The following CASK variants were observed in gnomAD, a reference collection of about 807,000 sequenced individuals.
The protein encoded by CASK is peripheral plasma membrane protein CASK.
A neutral mutation model predicts 82.9 loss-of-function variants in CASK; 4 were observed. The observed-to-expected ratio is 0.05, with a 90% confidence interval of 0.02 to 0.11. The LOEUF (loss-of-function observed/expected upper bound fraction) is 0.11. CASK is among the 10% of genes least tolerant of loss of function. CASK has a pLI of 1.00. For missense variants in CASK, 358 were observed against 720.9 expected, an observed-to-expected ratio of 0.50 and a Z score of 5.76; for synonymous variants, 259 against 253.5, an observed-to-expected ratio of 1.02 and a Z score of -0.20.
chrX:41,532,230 C>T (rs1003513635), intron 24 of CASK, among the ~76,000 whole-genome samples: 2 of 112,465 alleles, frequency 1.8e-5, no homozygotes, highest in African/African-American at 6.5e-5. Context: ...GCCACTGCAC[C>T]TGGCCACCTA....
At chrX:41,777,107 C>T (rs762335301) in intron 3 of CASK, among the ~76,000 whole-genome samples, 1 of 112,085 alleles carries the variant, frequency 8.9e-6, no homozygotes, top group East Asian at 2.8e-4. Context: ...TGCAATACTA[C>T]ATAGCAATAA....
chrX:41,873,631 T>C (rs1002591996), intron 1 of CASK, among the ~76,000 whole-genome samples: 38 of 111,487 alleles, frequency 3.4e-4, no homozygotes, highest in African/African-American at 1.2e-3. Flanking sequence ...GAAAAGATGA[T>C]GGACCACAAT....
chrX:41,671,739 T>C (rs2067199910), intron 5 of CASK, among the ~76,000 whole-genome samples: 1 of 112,224 alleles, frequency 8.9e-6, no homozygotes, highest in Admixed American at 9.4e-5. Context: ...TTCCATCCAA[T>C]GTTCTTTAGG....
chrX:41,531,834 A>G, intron 24 of CASK, among the ~76,000 whole-genome samples: 1 of 112,646 alleles, frequency 8.9e-6, no homozygotes, highest in Non-Finnish European at 1.9e-5. Flanking sequence ...CTGAAAACAC[A>G]ATGACTGTGG....
chrX:41,707,901 C>T (rs181014188), intron 5 of CASK, among the ~76,000 whole-genome samples: 111 of 111,309 alleles, frequency 1.0e-3, no homozygotes, highest in Non-Finnish European at 1.5e-3. Context: ...TGGTGGATCA[C>T]GAAGTCAGGA....
chrX:41,891,090 A>G (rs932665084), intron 1 of CASK, among the ~76,000 whole-genome samples: 2 of 108,731 alleles, frequency 1.8e-5, no homozygotes, highest in African/African-American at 6.7e-5. Flanking sequence ...GAATTTTGCC[A>G]TGTTGGTCAA....
intron 1 of CASK, among the ~76,000 whole-genome samples, chrX:41,906,759 A>C (rs2072476790): frequency 8.9e-6 from 1 of 112,990 alleles, no homozygotes; most frequent in African/African-American, 3.2e-5. Flanking sequence ...AACAGAAATG[A>C]GGAGGTTGTT....
chrX:41,850,277 A>G (rs2071236874), intron 2 of CASK, among the ~76,000 whole-genome samples: 1 of 112,353 alleles, frequency 8.9e-6, no homozygotes, highest in Admixed American at 9.4e-5. Context: ...CTATTAAAAC[A>G]TAGGTCCCAT....
rs111728933 is a variant in CASK at position 41,626,715 on chromosome X, A to C, written c.916-12T>G. On this transcript the variant is annotated splice_polypyrimidine_tract_variant and intron_variant, in intron 9 of 26. Coordinates refer to ENST00000378163, the MANE Select transcript of CASK (RefSeq NM_001367721.1). ...GCTAGTACTGCACCCTAAAACAAAG[A>C]GATGAAAAAATAGATTATTAAAACA... is the stretch of plus-strand genomic sequence containing the variant. 6.7e-6 allele frequency: 7 copies of C among 1,046,258 alleles called. No homozygotes were observed. The highest frequency in any genetic ancestry group is 6.7e-6 in the Non-Finnish European group (5 of 745,778). 86.2% of individuals were successfully genotyped at this position (1,046,258 alleles called of 1,213,427 possible). A position where few individuals can be genotyped will look rare whatever the true frequency, so the allele number is the denominator to read the frequency against.
At chrX:41,735,850 C>T (rs1008395858) in intron 5 of CASK, among the ~76,000 whole-genome samples, 1 of 111,324 alleles carries the variant, frequency 9.0e-6, no homozygotes, top group African/African-American at 3.3e-5. Context: ...CTTTGACCAC[C>T]ATATTTACAA....
At chrX:41,699,843 A>G (rs1420678491) in intron 5 of CASK, among the ~76,000 whole-genome samples, 1 of 111,633 alleles carries the variant, frequency 9.0e-6, no homozygotes, top group Non-Finnish European at 1.9e-5. Context: ...AAATTTTTAG[A>G]AAAAATATGC....
At chrX:41,775,117 AT>A (rs1478892824) in intron 3 of CASK, among the ~76,000 whole-genome samples, 7 of 107,000 alleles carry the variant, frequency 6.5e-5, no homozygotes, top group Admixed American at 2.0e-4. Flanking sequence ...ATGGGAGAAA[AT>A]TTTCGCAACC....
At chrX:41,827,432 C>T (rs1453720070) in intron 2 of CASK, among the ~76,000 whole-genome samples, 1 of 111,859 alleles carries the variant, frequency 8.9e-6, no homozygotes, top group East Asian at 2.8e-4. Flanking sequence ...GGTTCATAAG[C>T]GGCATCTTCT....
intron 11 of CASK, among the ~76,000 whole-genome samples, chrX:41,610,517 A>G (rs1010332151): frequency 9.0e-6 from 1 of 111,632 alleles, no homozygotes; most frequent in African/African-American, 3.3e-5. Context: ...CTTAGTTTTT[A>G]AGACTTGAAC....
chrX:41,834,446 T>C (rs1159593711), intron 2 of CASK, among the ~76,000 whole-genome samples: 1 of 112,175 alleles, frequency 8.9e-6, no homozygotes. Context: ...CTATTCGTGA[T>C]TGATATTGTA....
chrX:41,739,446 T>G lies in CASK; in HGVS notation c.367A>C (p.Arg123=). The G allele has an allele frequency of 8.6e-7, 1 of 1,157,656 alleles. No homozygotes were observed. Among genetic ancestry groups the G allele is most frequent in the Non-Finnish European group, 1.2e-6 (1 of 846,605 alleles). Residue 123 remains arginine (R), a synonymous_variant, in exon 5 of 27, where the codon AGA becomes CGA. Transcript: ENST00000378163. ...TAGCGTAGAGCTTCCAGTATCTGTC[T>G]CATATAATGGCTGTAAAAAACAAAA... ...YSEAVASHYM[R]QILEALRYCH...
intron 5 of CASK, chrX:41,727,809 C>T (rs2068291684): frequency 8.4e-7 from 1 of 1,192,097 alleles, no homozygotes; most frequent in Non-Finnish European, 1.1e-6. Context: ...TAATAGTTTG[C>T]TTCCTTCCTT....
intron 1 of CASK, among the ~76,000 whole-genome samples, chrX:41,896,318 T>C (rs1406937058): frequency 8.9e-6 from 1 of 112,006 alleles, no homozygotes; most frequent in Non-Finnish European, 1.9e-5. Context: ...CCAATAAACT[T>C]TTCCTTAATA....
chrX:41,690,523 T>C (rs1012658551), intron 5 of CASK, among the ~76,000 whole-genome samples: 1 of 107,003 alleles, frequency 9.3e-6, no homozygotes, highest in African/African-American at 3.4e-5. Context: ...ATTTTTTTTT[T>C]TTTTTTTGGT....
Sources: allele counts gnomAD v4.1 joint callset (sites outside exome capture counted in the v4.1 genomes callset), GRCh38; gene constraint gnomAD v4.1.1; transcripts MANE v1.5; gene names NCBI Gene and HGNC (gene_info 2026-07-23, HGNC 2026-07-21).